CEACAM21: variants seen among roughly 807,000 people sequenced by gnomAD.
CEACAM21 encodes the protein CEA cell adhesion molecule 21.
CEACAM21 carries 38 observed loss-of-function variants against 33.2 expected under a neutral mutation model. The ratio of observed to expected loss-of-function variants is 1.14; its 90% CI spans 0.88 to 1.50. The LOEUF (loss-of-function observed/expected upper bound fraction) is 1.50, where lower values mean the gene tolerates loss of function less well. Among genes scored for constraint, CEACAM21 ranks in the 40% most tolerant of loss-of-function variants. CEACAM21 has a pLI of 0.00. For missense variants in CEACAM21, 385 were observed against 364.6 expected, an observed-to-expected ratio of 1.06 and a Z score of -0.46; for synonymous variants, 156 against 143.0, an observed-to-expected ratio of 1.09 and a Z score of -0.65.
At chr19:41,569,916 T>C (rs1204039330) in intron 2 of CEACAM21, among the ~76,000 whole-genome samples, 1 of 152,202 alleles carries the variant, frequency 6.6e-6, no homozygotes, top group Non-Finnish European at 1.5e-5. Context: ...ACCCCCAGCC[T>C]GACTTGCAGA....
chr19:41,568,188 T>A (rs1288564914), intron 2 of CEACAM21, among the ~76,000 whole-genome samples: 1 of 151,630 alleles, frequency 6.6e-6, no homozygotes, highest in African/African-American at 2.4e-5. Context: ...TACAAATATA[T>A]ATGTATATAT....
At chr19:41,581,657 A>G (rs1220234023) in intron 3 of CEACAM21, among the ~76,000 whole-genome samples, 1 of 152,190 alleles carries the variant, frequency 6.6e-6, no homozygotes, top group African/African-American at 2.4e-5. Flanking sequence ...GGCAAAAGGC[A>G]TGTCTTACAT....
chr19:41,585,929 G>A, intron 6 of CEACAM21, 58 bp downstream of exon 6: 1 of 1,562,058 alleles, frequency 6.4e-7, no homozygotes, highest in Non-Finnish European at 8.8e-7. Flanking sequence ...GCAGGCTCAG[G>A]GCAGGGGGAC....
upstream of CEACAM21, among the ~76,000 whole-genome samples, chr19:41,572,010 C>T (rs1472115668): frequency 6.6e-6 from 1 of 151,182 alleles, no homozygotes; most frequent in Non-Finnish European, 1.5e-5. Flanking sequence ...TGATTCTCTA[C>T]TCTATGTACA....
intron 2 of CEACAM21, chr19:41,565,541 G>GC (rs1180583435): frequency 5.1e-5 from 4 of 78,966 alleles, no homozygotes; most frequent in African/African-American, 1.9e-4. Context: ...CTTCCCCCCC[G>GC]CCCCCCGCCC....
intron 2 of CEACAM21, among the ~76,000 whole-genome samples, chr19:41,578,154 AG>A (rs1555792046): frequency 6.6e-6 from 1 of 152,198 alleles, no homozygotes; most frequent in African/African-American, 2.4e-5. Context: ...CAGAGTGGAG[AG>A]GACAGACAAA....
At chr19:41,575,429 C>T (rs1341193703), upstream of CEACAM21, among the ~76,000 whole-genome samples, 1 of 152,206 alleles carries the variant, frequency 6.6e-6, no homozygotes, top group Admixed American at 6.5e-5. Flanking sequence ...CACACCCTTC[C>T]TGACCTTCTG....
intron 6 of CEACAM21, chr19:41,586,184 C>G (rs538760893): frequency 6.5e-5 from 38 of 580,510 alleles, no homozygotes; most frequent in Middle Eastern, 2.7e-4. Flanking sequence ...GGCAGCTGCT[C>G]TCATCTATGA....
chr19:41,575,339 T>C (rs2042869759), upstream of CEACAM21, among the ~76,000 whole-genome samples: 1 of 152,242 alleles, frequency 6.6e-6, no homozygotes, highest in Non-Finnish European at 1.5e-5. Flanking sequence ...AGTACATTTA[T>C]CTTATGTATT....
At chr19:41,565,373 G>C (rs1385130585) in intron 2 of CEACAM21, among the ~76,000 whole-genome samples, 1 of 152,130 alleles carries the variant, frequency 6.6e-6, no homozygotes. Flanking sequence ...CACCCAGCCC[G>C]GGGGATCAGC....
At chr19:41,562,942 A>G (rs2041989645) in intron 1 of CEACAM21, among the ~76,000 whole-genome samples, 1 of 152,026 alleles carries the variant, frequency 6.6e-6, no homozygotes, top group Non-Finnish European at 1.5e-5. Context: ...GTTAGCCAGG[A>G]TGGTCTCGAT....
intron 1 of CEACAM21, among the ~76,000 whole-genome samples, chr19:41,558,068 A>G (rs2041647063): frequency 6.6e-6 from 1 of 152,056 alleles, no homozygotes; most frequent in Non-Finnish European, 1.5e-5. Context: ...GCGATAAACA[A>G]CTCTACAGAA....
intron 2 of CEACAM21, among the ~76,000 whole-genome samples, chr19:41,570,256 A>G (rs2042517770): frequency 6.6e-6 from 1 of 152,160 alleles, no homozygotes; most frequent in Non-Finnish European, 1.5e-5. Flanking sequence ...CTCAGTGGGA[A>G]GTGCTGAAGT....
At chr19:41,580,852 C>T (rs149203512) in intron 3 of CEACAM21, among the ~76,000 whole-genome samples, 47 of 152,330 alleles carry the variant, frequency 3.1e-4, no homozygotes, top group African/African-American at 1.0e-3. Context: ...CAGGTCCCTC[C>T]CCAGGGATTA....
chr19:41,551,779 A>G (rs1032973649), intron 1 of CEACAM21: 2 of 152,140 alleles, frequency 1.3e-5, no homozygotes, highest in Non-Finnish European at 2.9e-5. Flanking sequence ...ACAGTATGAA[A>G]ATGGCCTCCT....
intron 2 of CEACAM21, among the ~76,000 whole-genome samples, chr19:41,567,791 G>A (rs527296623): frequency 1.3e-5 from 2 of 152,010 alleles, no homozygotes; most frequent in South Asian, 2.1e-4. Flanking sequence ...AAACAATCTC[G>A]CTAGATCTCC....
rs965531685 is a variant in CEACAM21 at position 41,567,497 on chromosome 19, C to A, written c.-404+2441C>A. On this transcript the variant is annotated intron_variant, in intron 2 of 7. Coordinates refer to the CEACAM21 transcript ENST00000407170. The stretch of plus-strand genomic sequence containing the variant: ...CCGGGATGAGAGTCCAAAGACTCAG[C>A]AAACAACAATTTAGCAATTTTGCTA... Among the ~76,000 whole-genome samples, 3 of 152,156 alleles carry A rather than the reference C, an allele frequency of 2.0e-5. No individual in the cohort carries two copies. The East Asian group carries it at 5.8e-4, about 29-fold the overall frequency.
At chr19:41,555,919 C>T (rs1402158828) in intron 1 of CEACAM21, among the ~76,000 whole-genome samples, 3 of 152,190 alleles carry the variant, frequency 2.0e-5, no homozygotes, top group Non-Finnish European at 2.9e-5. Context: ...ACCCAGCAGC[C>T]GTTGCACTCA....
At chr19:41,577,668 G>T in intron 2 of CEACAM21, 109 bp downstream of exon 2, 2 of 1,521,516 alleles carry the variant, frequency 1.3e-6, no homozygotes, top group East Asian at 2.2e-5. Context: ...TACGTCCCAT[G>T]TTGGGGTTTG....
Sources: allele counts gnomAD v4.1 joint callset (sites outside exome capture counted in the v4.1 genomes callset), GRCh38; gene constraint gnomAD v4.1.1; transcripts MANE v1.5; gene names NCBI Gene and HGNC (gene_info 2026-07-23, HGNC 2026-07-21).